Variants in ERGIC1 observed in about 807,000 individuals in gnomAD.
ERGIC1 encodes the protein endoplasmic reticulum-Golgi intermediate compartment protein 1.
In ERGIC1, 19 loss-of-function variants were observed where a neutral mutation model predicts 38.3. The ratio of observed to expected loss-of-function variants is 0.50; its 90% confidence interval spans 0.35 to 0.73. The LOEUF is 0.73. Among genes scored for constraint, ERGIC1 ranks in the 30% least tolerant of loss-of-function variants. ERGIC1 has a pLI of 0.01. For synonymous variants in ERGIC1, 124 were observed against 157.6 expected (o/e 0.79, Z 1.60); for missense variants, 294 against 389.2 (o/e 0.76, Z 2.06).
At chr5:172,890,107 G>T (rs972713725) in intron 2 of ERGIC1, among the ~76,000 whole-genome samples, 3 of 152,210 alleles carry the variant, frequency 2.0e-5, no homozygotes, top group Non-Finnish European at 2.9e-5. Flanking sequence ...AAGTGAGAAA[G>T]GTTGGCATGA....
intron 1 of ERGIC1, among the ~76,000 whole-genome samples, chr5:172,874,921 T>TAAAA (rs541037638): frequency 2.0e-5 from 2 of 101,312 alleles, no homozygotes; most frequent in Non-Finnish European, 4.1e-5. Context: ...AGACCCTGTC[T>TAAAA]AAAAAAAAAA....
chr5:172,860,623 C>T (rs752922421), intron 1 of ERGIC1, among the ~76,000 whole-genome samples: 7 of 152,194 alleles, frequency 4.6e-5, no homozygotes, highest in Non-Finnish European at 1.0e-4. Context: ...TTCTCTGAGG[C>T]TTTGCTGCAG....
At chr5:172,927,782 C>A (rs1395168087) in intron 7 of ERGIC1, among the ~76,000 whole-genome samples, 1 of 151,978 alleles carries the variant, frequency 6.6e-6, no homozygotes, top group Admixed American at 6.6e-5. Context: ...GGTTTCACCA[C>A]GTTGGCCAGG....
chr5:172,886,777 C>A (rs1011223726), intron 1 of ERGIC1, among the ~76,000 whole-genome samples: 1 of 152,162 alleles, frequency 6.6e-6, no homozygotes, highest in Admixed American at 6.5e-5. Context: ...GGTTAAGTGA[C>A]GGTCCCAGGG....
chr5:172,895,074 C>G (rs145464366), intron 2 of ERGIC1, among the ~76,000 whole-genome samples: 50 of 152,322 alleles, frequency 3.3e-4, no homozygotes, highest in African/African-American at 1.2e-3. Flanking sequence ...GTGCAGGCTG[C>G]GGAGAATGCA....
intron 3 of ERGIC1, among the ~76,000 whole-genome samples, chr5:172,903,188 A>G (rs948688188): frequency 6.6e-6 from 1 of 152,190 alleles, no homozygotes; most frequent in Middle Eastern, 3.4e-3. Flanking sequence ...ATTCCACTGA[A>G]GTTTGTGAGC....
intron 9 of ERGIC1, among the ~76,000 whole-genome samples, chr5:172,939,400 C>T (rs1763958899): frequency 6.6e-6 from 1 of 152,258 alleles, no homozygotes; most frequent in Admixed American, 6.5e-5. Context: ...GAATGCTATG[C>T]GCAGAGGCGC....
At chr5:172,908,080 C>T (rs764049528) in intron 3 of ERGIC1, among the ~76,000 whole-genome samples, 37 of 151,536 alleles carry the variant, frequency 2.4e-4, no homozygotes, top group Non-Finnish European at 4.6e-4. Flanking sequence ...CCCCCTGCCC[C>T]CTGTGATGTC....
chr5:172,858,688 G>A (rs1039193141), intron 1 of ERGIC1, among the ~76,000 whole-genome samples: 14 of 152,204 alleles, frequency 9.2e-5, no homozygotes, highest in Admixed American at 2.0e-4. Context: ...GCCCTACTGC[G>A]TACCTGGCAG....
chr5:172,920,443 C>G (rs1421911186), intron 5 of ERGIC1: 10 of 717,756 alleles, frequency 1.4e-5, no homozygotes, highest in Non-Finnish European at 1.8e-5. Context: ...CCACGGTGAC[C>G]TCGTTTCATC....
At chr5:172,944,910 C>A (rs1289861226) in intron 9 of ERGIC1, among the ~76,000 whole-genome samples, 1 of 152,260 alleles carries the variant, frequency 6.6e-6, no homozygotes, top group Non-Finnish European at 1.5e-5. Context: ...ACGCCCCCGG[C>A]TGACACCCCT....
In ERGIC1 at chr5:172,866,459, G is replaced by A. The variant is rs191608491; in HGVS notation, c.21-22240G>A. 2.1e-3 allele frequency among the ~76,000 whole-genome samples: 324 copies of A among 152,326 alleles called. 1 individual carries two copies. Among genetic ancestry groups the A allele is most frequent in the African/African-American group, 7.2e-3 (301 of 41,578 alleles). On this transcript the variant is annotated intron_variant, in intron 1 of 9. Coordinates refer to ENST00000393784, the MANE Select transcript of ERGIC1 (RefSeq NM_001031711.3). Reference sequence around the variant, plus strand: ...GCAGCCTTCAGAGGGATTTGTGGGGGAGAAGGAGCTTCTCCTTTGGGAAGA... The same window carrying A: ...GCAGCCTTCAGAGGGATTTGTGGGGAAGAAGGAGCTTCTCCTTTGGGAAGA...
intron 3 of ERGIC1, among the ~76,000 whole-genome samples, chr5:172,904,942 A>T (rs553885076): frequency 5.9e-5 from 9 of 152,080 alleles, no homozygotes; most frequent in African/African-American, 1.9e-4. Flanking sequence ...CCTGCCCAGC[A>T]CCGCAGCCCC....
At chr5:172,881,887 T>G (rs1174919506) in intron 1 of ERGIC1, among the ~76,000 whole-genome samples, 1 of 152,192 alleles carries the variant, frequency 6.6e-6, no homozygotes, top group Admixed American at 6.5e-5. Flanking sequence ...CCCCTTTCCC[T>G]CCTCCATTCT....
chr5:172,889,332 G>C (rs142697053), intron 2 of ERGIC1, among the ~76,000 whole-genome samples: 4 of 152,118 alleles, frequency 2.6e-5, no homozygotes, highest in African/African-American at 4.8e-5. Context: ...CCCAGGGGTA[G>C]GAAGGAGATT....
intron 9 of ERGIC1, among the ~76,000 whole-genome samples, chr5:172,947,871 G>A (rs950612446): frequency 1.3e-4 from 15 of 115,770 alleles, no homozygotes; most frequent in African/African-American, 5.2e-4. Context: ...GAATACAGAT[G>A]TGTTTTGTGT....
At position 172,914,767 on chromosome 5, in the gene ERGIC1, G is replaced by T. The variant is rs766575211; in HGVS notation, c.304G>T (p.Asp102Tyr). The T allele has an allele frequency of 2.5e-6, 4 of 1,614,160 alleles. No homozygotes were observed. The highest frequency in any genetic ancestry group is 3.4e-6 in the Non-Finnish European group (4 of 1,180,040). Residue 102 changes from aspartate (D) to tyrosine (Y), a missense_variant, in exon 5 of 10, where the codon GAC (aspartate) becomes TAC (tyrosine). Transcript: ENST00000393784. ...GGGCAGGCACGAAGTGGGCCACATC[G>T]ACAACTCCATGAAGATCCCGCTGAA... ...EMGRHEVGHI[D>Y]NSMKIPLNNG...
intron 2 of ERGIC1, among the ~76,000 whole-genome samples, chr5:172,891,369 C>A (rs1762554023): frequency 6.6e-6 from 1 of 152,196 alleles, no homozygotes; most frequent in Non-Finnish European, 1.5e-5. Flanking sequence ...TCCATCTCTG[C>A]AGTCTCTCCC....
Position 172,950,846 on chromosome 5 carries a change from C to T in ERGIC1, c.*30C>T. On this transcript the variant is annotated 3_prime_UTR_variant, in exon 10 of 10. Transcript: ENST00000393784. ...ACACCCAGCCTAATGGCCGAGGACC[C>T]TGGGCATCGCCAGCCTTGCCTCCAG... is the stretch of plus-strand genomic sequence containing the variant. The T allele has an allele frequency of 6.3e-7, 1 of 1,577,962 alleles. No individual in the cohort carries two copies. The highest frequency in any genetic ancestry group is 8.7e-7 in the Non-Finnish European group (1 of 1,153,716).
Sources: gnomAD v4.1 joint callset for allele counts (sites outside exome capture counted in the v4.1 genomes callset) on GRCh38, gnomAD v4.1.1 for gene constraint, MANE v1.5 for transcripts, NCBI Gene and HGNC (gene_info 2026-07-23, HGNC 2026-07-21) for gene names.